Variants in EFHD1 observed in about 807,000 individuals in gnomAD.
EFHD1 encodes EF-hand domain-containing protein D1.
EFHD1 carries 10 observed loss-of-function variants against 17.2 expected under a neutral mutation model. The ratio of observed to expected loss-of-function variants is 0.58; its 90% CI spans 0.36 to 0.99. EFHD1 has a LOEUF of 0.99. EFHD1 is among the 50% of genes least tolerant of loss of function. The pLI, the probability that EFHD1 is intolerant of heterozygous loss-of-function variation, is 0.01. For missense variants in EFHD1, 310 were observed against 327.5 expected (o/e 0.95, Z 0.41); for synonymous variants, 153 against 142.0 (o/e 1.08, Z -0.55).
At chr2:232,671,247 C>A (rs1695063128) in intron 2 of EFHD1, among the ~76,000 whole-genome samples, 1 of 150,948 alleles carries the variant, frequency 6.6e-6, no homozygotes, top group Admixed American at 6.6e-5. Context: ...CCAGCCTGGG[C>A]AACGTAGAAG....
intron 1 of EFHD1, among the ~76,000 whole-genome samples, chr2:232,643,823 A>G (rs1207698705): frequency 1.3e-5 from 2 of 152,162 alleles, no homozygotes; most frequent in Admixed American, 6.5e-5. Context: ...AGCTGGGATT[A>G]TAGGGCGTGC....
At chr2:232,629,754 C>G (rs1389388036), upstream of EFHD1, among the ~76,000 whole-genome samples, 1 of 151,614 alleles carries the variant, frequency 6.6e-6, no homozygotes, top group Non-Finnish European at 1.5e-5. Flanking sequence ...TAGGCATGAG[C>G]CACCACGCCC....
At chr2:232,613,299 C>A (rs1200414871) in intron 1 of EFHD1, among the ~76,000 whole-genome samples, 1 of 151,900 alleles carries the variant, frequency 6.6e-6, no homozygotes, top group Non-Finnish European at 1.5e-5. Flanking sequence ...TGGCATGCAC[C>A]TGAAATCCCA....
At chr2:232,650,265 A>G (rs1694619008) in intron 1 of EFHD1, 1 of 144,238 alleles carries the variant, frequency 6.9e-6, no homozygotes, top group South Asian at 2.3e-4. Context: ...TTTTACGGGT[A>G]GTTTTTCTTT....
At chr2:232,641,760 C>G (rs1694436352) in intron 1 of EFHD1, among the ~76,000 whole-genome samples, 1 of 152,238 alleles carries the variant, frequency 6.6e-6, no homozygotes, top group Non-Finnish European at 1.5e-5. Context: ...AGAGCCTGAT[C>G]TCATTTGTCC....
chr2:232,671,060 T>C (rs1050912954), intron 2 of EFHD1, among the ~76,000 whole-genome samples: 7 of 152,214 alleles, frequency 4.6e-5, no homozygotes, highest in African/African-American at 1.4e-4. Flanking sequence ...ATTGTAGGAA[T>C]GTTTCTGAAG....
At chr2:232,666,952 CT>C (rs1254398335) in intron 2 of EFHD1, among the ~76,000 whole-genome samples, 2 of 152,198 alleles carry the variant, frequency 1.3e-5, no homozygotes, top group African/African-American at 4.8e-5. Flanking sequence ...ACTTCTGAGC[CT>C]CAGTGTTTGT....
At chr2:232,615,933 C>A (rs777288080) in intron 1 of EFHD1, among the ~76,000 whole-genome samples, 1 of 152,136 alleles carries the variant, frequency 6.6e-6, no homozygotes, top group South Asian at 2.1e-4. Context: ...GTGATCTGCC[C>A]ACCTTGGCCT....
chr2:232,648,629 G>T (rs923049848), intron 1 of EFHD1, among the ~76,000 whole-genome samples: 1 of 152,180 alleles, frequency 6.6e-6, no homozygotes, highest in African/African-American at 2.4e-5. Flanking sequence ...ACCACCTGCC[G>T]GTGGGTGTAG....
intron 1 of EFHD1, among the ~76,000 whole-genome samples, chr2:232,619,007 G>T (rs1412123383): frequency 1.3e-5 from 2 of 151,820 alleles, no homozygotes; most frequent in African/African-American, 2.4e-5. Context: ...AAATTAGCCA[G>T]GCATGGTGGC....
intron 1 of EFHD1, among the ~76,000 whole-genome samples, chr2:232,643,528 C>T (rs1411904730): frequency 6.6e-6 from 1 of 151,466 alleles, no homozygotes; most frequent in African/African-American, 2.4e-5. Context: ...CTGCCCGAGT[C>T]CCCGCACCCC....
chr2:232,633,391 G>T (rs1694240188), upstream of EFHD1: 3 of 1,103,318 alleles, frequency 2.7e-6, no homozygotes, highest in Non-Finnish European at 3.4e-6. Flanking sequence ...CTGGTCCCGG[G>T]GGGACGGTCA....
At chr2:232,654,206 CAAAAA>C (rs929121448) in intron 1 of EFHD1, among the ~76,000 whole-genome samples, 1 of 82,642 alleles carries the variant, frequency 1.2e-5, no homozygotes, top group Non-Finnish European at 2.5e-5. Context: ...GACTCCATCT[CAAAAA>C]AAAAAAAAAA....
Position 232,633,720 on chromosome 2 carries a change from C to G in EFHD1, c.16C>G (p.Leu6Val), listed in dbSNP as rs1349791238. ...ATCCGCCGCCATGGCCAGTGAGGAG[C>G]TGGCGTGCAAGCTGGAGCGCCGGCT... MASEE[L>V]ACKLERRLRR... is the part of the protein sequence containing the mutation. Residue 6 changes from leucine (L) to valine (V), a missense_variant, in exon 1 of 4, where the codon CTG becomes GTG. Coordinates refer to ENST00000264059, the MANE Select transcript of EFHD1 (RefSeq NM_025202.4). 1 of 1,465,546 alleles carries G rather than the reference C, an allele frequency of 6.8e-7. No individual in the cohort carries two copies. 90.8% of individuals were successfully genotyped at this position (1,465,546 alleles called of 1,614,324 possible).
chr2:232,612,524 A>G lies in EFHD1; in HGVS notation c.14+6351A>G, dbSNP rs537266846. On this transcript the variant is annotated intron_variant, in intron 1 of 3. Coordinates refer to the EFHD1 transcript ENST00000409613. ...AAGTCACTAGAGACATGAAAAACGG[A>G]CCCCATCATCAGACATAAGGGAAAT... Among the ~76,000 whole-genome samples the G allele has an allele frequency of 5.9e-5, 9 of 152,222 alleles. No homozygotes were observed. The East Asian group carries it at 1.5e-3, about 26-fold the overall frequency.
chr2:232,606,868 C>A (rs1016321583), intron 1 of EFHD1, among the ~76,000 whole-genome samples: 1 of 149,748 alleles, frequency 6.7e-6, no homozygotes, highest in Non-Finnish European at 1.5e-5. Flanking sequence ...CCAGCCTGGG[C>A]GACAGAGCGA....
rs1225437051 is a variant in EFHD1, at chr2:232,681,911, C to T, written c.*192C>T. 22 of 793,610 alleles carry T rather than the reference C, an allele frequency of 2.8e-5. No homozygotes were observed. The highest frequency in any genetic ancestry group is 4.1e-5 in the Non-Finnish European group (22 of 532,676). The allele number at this position is 793,610 out of a possible 1,614,324, so 49.2% of individuals were successfully genotyped here. ...CCCTCCAGGAGGGTCCTGGGGTGGG[C>T]CAGATGCCTGCCCACCTCTGTCTCC... On this transcript the variant is annotated 3_prime_UTR_variant, in exon 4 of 4. Coordinates refer to ENST00000264059, the MANE Select transcript of EFHD1 (RefSeq NM_025202.4).
intron 2 of EFHD1, among the ~76,000 whole-genome samples, chr2:232,666,671 G>T (rs1694971952): frequency 6.6e-6 from 1 of 152,166 alleles, no homozygotes; most frequent in Non-Finnish European, 1.5e-5. Context: ...TCCTGTGATT[G>T]GTTTGCACCC....
chr2:232,650,167 G>A (rs1452743295), intron 1 of EFHD1: 1 of 152,016 alleles, frequency 6.6e-6, no homozygotes, highest in Admixed American at 6.6e-5. Context: ...CAATAGCAAA[G>A]ATGAAAGGAA....
Sources: allele counts gnomAD v4.1 joint callset (sites outside exome capture counted in the v4.1 genomes callset), GRCh38; gene constraint gnomAD v4.1.1; transcripts MANE v1.5; gene names NCBI Gene and HGNC (gene_info 2026-07-23, HGNC 2026-07-21).